TET3: variants seen among roughly 807,000 people sequenced by gnomAD.
The protein encoded by TET3 is tet methylcytosine dioxygenase 3, also known as methylcytosine dioxygenase TET3.
A neutral mutation model predicts 141.4 loss-of-function variants in TET3; 19 were observed. That is an observed-to-expected ratio of 0.13 (90% CI 0.09 to 0.20). TET3 has a LOEUF of 0.20. TET3 is among the 10% of genes least tolerant of loss of function. TET3 has a pLI of 1.00. For missense variants in TET3, 1,874 were observed against 2,356.9 expected (o/e 0.80, Z 4.24); for synonymous variants, 1,043 against 980.9 (o/e 1.06, Z -1.18).
chr2:74,099,989 G>A (rs941304498), intron 11 of TET3, among the ~76,000 whole-genome samples: 2 of 152,202 alleles, frequency 1.3e-5, no homozygotes, highest in Non-Finnish European at 2.9e-5. Flanking sequence ...GGCGGAGACG[G>A]TTGCTGGCAG....
intron 5 of TET3, 71 bp from the exon 6 acceptor site, chr2:74,080,427 G>T: frequency 7.3e-7 from 1 of 1,369,096 alleles, no homozygotes; most frequent in Admixed American, 1.9e-5. Flanking sequence ...CACTGAGGCT[G>T]TCTTCTGACC....
At chr2:74,019,712 C>G (rs1685928648) in intron 3 of TET3, among the ~76,000 whole-genome samples, 2 of 152,208 alleles carry the variant, frequency 1.3e-5, no homozygotes, top group South Asian at 4.1e-4. Context: ...CTCAAGCAGC[C>G]CTGGCTCCAG....
chr2:74,120,738 T>C, the TET3 span: 2 of 152,340 alleles, frequency 1.3e-5, no homozygotes, highest in Non-Finnish European at 2.9e-5. Flanking sequence ...ATTCATCATA[T>C]CTGCCAAGGA....
chr2:74,101,578 A>G lies in TET3; in HGVS notation c.4790A>G (p.Lys1597Arg). Reference protein sequence around the residue: ...GSSEKLFGALKSEEKLWDPFS... With the variant: ...GSSEKLFGALRSEEKLWDPFS... ...AGCGAGAAGCTGTTTGGGGCTCTGA[A>G]GTCAGAGGAGAAGCTGTGGGACCCC... The change falls in exon 12 of 12, where the codon AAG becomes AGG. Residue 1597 changes from lysine to arginine, a missense_variant. Lys to Arg is a conservative substitution (Grantham distance 26). Transcript: ENST00000409262. The surrounding 1 kb of genome is among the most constrained non-coding windows in gnomAD (Gnocchi z 8.5). 6.2e-7 allele frequency: 1 copy of G among 1,609,320 alleles called. No individual in the cohort carries two copies. Among genetic ancestry groups the G allele is most frequent in the Non-Finnish European group, 8.5e-7 (1 of 1,177,638 alleles).
intron 4 of TET3, among the ~76,000 whole-genome samples, chr2:74,061,604 C>G (rs1456129172): frequency 3.5e-4 from 52 of 150,656 alleles, no homozygotes; most frequent in African/African-American, 1.3e-3. Context: ...GCTGACCCCC[C>G]CCACCTCCCT....
chr2:74,126,138 G>A, the TET3 span, among the ~76,000 whole-genome samples: 4 of 152,198 alleles, frequency 2.6e-5, no homozygotes, highest in African/African-American at 2.4e-5. Context: ...AACCTATCAT[G>A]TCTATTTGAT....
intron 6 of TET3, among the ~76,000 whole-genome samples, chr2:74,081,878 A>G (rs1401522104): frequency 1.3e-5 from 2 of 152,224 alleles, no homozygotes; most frequent in East Asian, 3.9e-4. Context: ...ATACAACCAG[A>G]GAATCTGGAA....
At chr2:74,057,169 C>T (rs1688263801) in intron 4 of TET3, among the ~76,000 whole-genome samples, 1 of 152,306 alleles carries the variant, frequency 6.6e-6, no homozygotes. Flanking sequence ...TGCTGAACCA[C>T]CAAACAAAAA....
chr2:74,066,000 G>A (rs940368294), intron 4 of TET3, among the ~76,000 whole-genome samples: 9 of 152,052 alleles, frequency 5.9e-5, no homozygotes, highest in Non-Finnish European at 1.0e-4. Flanking sequence ...CTCGTGATCC[G>A]CCTGCCTTGG....
chr2:74,110,842 T>C (rs999840381), downstream of TET3, among the ~76,000 whole-genome samples: 6 of 152,186 alleles, frequency 3.9e-5, no homozygotes. Flanking sequence ...CTGTGGAACA[T>C]GCTTCATCCA....
Position 74,101,080 on chromosome 2 carries a change from C to G in TET3, c.4292C>G (p.Pro1431Arg), listed in dbSNP as rs759031360. ...PLSEVSQNGG[P>R]SHLWGQYSGG... Reference sequence around the variant, plus strand: ...TCCGAGGTGTCTCAGAATGGAGGACCCAGTCACCTTTGGGGACAGTACTCA... The same window carrying G: ...TCCGAGGTGTCTCAGAATGGAGGACGCAGTCACCTTTGGGGACAGTACTCA... Residue 1431 changes from proline to arginine, a missense_variant, in exon 12 of 12, where the codon CCC (proline) becomes CGC (arginine). Around this residue, in one of 10 missense-constraint regions of TET3, gnomAD observed 602 missense variants for 590.2 expected, o/e 1.02. Coordinates refer to ENST00000409262, the MANE Select transcript of TET3 (RefSeq NM_001287491.2). This position sits in a 1 kb window ranked among gnomAD's most constrained non-coding sequence, Gnocchi z 8.5. The G allele has an allele frequency of 1.6e-5, 26 of 1,612,572 alleles. No homozygotes were observed. The African/African-American group carries it at 2.7e-4, about 17-fold the overall frequency.
At chr2:74,048,536 G>A in intron 4 of TET3, 125 bp downstream of exon 4, 1 of 1,089,072 alleles carries the variant, frequency 9.2e-7, no homozygotes, top group Non-Finnish European at 1.3e-6. Context: ...TGGGTTCTGG[G>A]AACACAGAAA....
chr2:74,022,092 CA>C (rs1558719554), intron 3 of TET3, among the ~76,000 whole-genome samples: 1 of 83,608 alleles, frequency 1.2e-5, no homozygotes, highest in East Asian at 3.0e-4. Flanking sequence ...CTTTCTAGGA[CA>C]CTTTTTTTTT....
chr2:74,021,439 T>C (rs1415850356), intron 3 of TET3, among the ~76,000 whole-genome samples: 4 of 152,212 alleles, frequency 2.6e-5, no homozygotes, highest in Non-Finnish European at 5.9e-5. Flanking sequence ...GTTTTGGCGT[T>C]TCAGAGAGCA....
the TET3 span, among the ~76,000 whole-genome samples, chr2:74,116,553 T>C: frequency 6.6e-6 from 1 of 151,696 alleles, no homozygotes; most frequent in Non-Finnish European, 1.5e-5. Flanking sequence ...GTGGTGTGTG[T>C]GTGTGCCTGT....
At chr2:74,082,803 C>T (rs1558777694) in intron 6 of TET3, among the ~76,000 whole-genome samples, 1 of 152,174 alleles carries the variant, frequency 6.6e-6, no homozygotes, top group East Asian at 1.9e-4. Flanking sequence ...CTCCTTCTCC[C>T]TGCCCTGCAG....
At chr2:74,019,537 T>C (rs1318461373) in intron 3 of TET3, among the ~76,000 whole-genome samples, 1 of 152,174 alleles carries the variant, frequency 6.6e-6, no homozygotes, top group African/African-American at 2.4e-5. Context: ...GAGTTCCCAG[T>C]GGTGGGGTGC....
In TET3 at chr2:74,041,293, G is replaced by C. The variant is rs572143566; in HGVS notation, c.361-4985G>C. 2.2e-4 allele frequency among the ~76,000 whole-genome samples: 34 copies of C among 152,302 alleles called. 1 individual carries two copies. The East Asian group carries it at 6.2e-3, about 28-fold the overall frequency. The stretch of plus-strand genomic sequence containing the variant: ...TCTTTTCCCAAACAGTAGGCCTTCA[G>C]ATGTTTAAAGACTTTCTGGAGTTTT... On this transcript the variant is annotated intron_variant, in intron 3 of 11. Transcript: ENST00000409262.
chr2:74,011,963 G>T (rs1346844428), intron 3 of TET3, among the ~76,000 whole-genome samples: 2 of 151,958 alleles, frequency 1.3e-5, no homozygotes, highest in Non-Finnish European at 2.9e-5. Flanking sequence ...TTGTTTGTTT[G>T]TTTTTTGTTT....
Sources: allele counts gnomAD v4.1 joint callset (sites outside exome capture counted in the v4.1 genomes callset), GRCh38; gene constraint gnomAD v4.1.1; regional missense constraint gnomAD v4.1.1; non-coding constraint Gnocchi (gnomAD v3.1); transcripts MANE v1.5; gene names NCBI Gene and HGNC (gene_info 2026-07-23, HGNC 2026-07-21).